Variants in PTK2 observed in about 807,000 individuals in gnomAD.
PTK2 encodes the protein protein tyrosine kinase 2.
In PTK2, 45 loss-of-function variants were observed where a neutral mutation model predicts 150.1. The ratio of observed to expected loss-of-function variants is 0.30; its 90% CI spans 0.24 to 0.38. The LOEUF is 0.38. Ranked by LOEUF, PTK2 falls within the 10% of genes least tolerant of loss-of-function variation. The pLI is 1.00. For missense variants in PTK2, 919 were observed against 1,307.3 expected (o/e 0.70, Z 4.58); for synonymous variants, 432 against 449.2 (o/e 0.96, Z 0.48).
intron 2 of PTK2, 150 bp from the exon 3 acceptor site, chr8:140,890,919 AAAT>A (rs2100154024): frequency 6.2e-6 from 4 of 646,120 alleles, no homozygotes; most frequent in South Asian, 4.2e-5. Context: ...TAATCCACTA[AAAT>A]AATAGCTGTC....
intron 2 of PTK2, among the ~76,000 whole-genome samples, chr8:140,917,917 T>G (rs2100165941): frequency 6.6e-6 from 1 of 152,200 alleles, no homozygotes; most frequent in South Asian, 2.1e-4. Context: ...TGGAGTGAGA[T>G]TCCCACAGTA....
exon 30 of PTK2, chr8:140,668,409 T>C (rs1009418037): frequency 6.2e-7 from 1 of 1,612,022 alleles, no homozygotes; most frequent in Non-Finnish European, 8.5e-7. Flanking sequence ...GGGGGGCTGA[T>C]TTCCTGGGGC....
chr8:140,967,740 G>C (rs1359964146), intron 1 of PTK2, among the ~76,000 whole-genome samples: 1 of 152,010 alleles, frequency 6.6e-6, no homozygotes, highest in East Asian at 1.9e-4. Context: ...TTACAGACGT[G>C]AGCCACCGCG....
chr8:140,865,643 C>T (rs1165116743), intron 4 of PTK2, among the ~76,000 whole-genome samples: 1 of 152,128 alleles, frequency 6.6e-6, no homozygotes, highest in Non-Finnish European at 1.5e-5. Context: ...CCAAACAATT[C>T]GGTTTCATTT....
chr8:140,684,047 A>T (rs1393225561), intron 27 of PTK2, among the ~76,000 whole-genome samples: 1 of 152,206 alleles, frequency 6.6e-6, no homozygotes, highest in Admixed American at 6.5e-5. Flanking sequence ...AAGGCATCCA[A>T]ATAGGAAGAG....
chr8:140,996,119 T>G (rs1041288882), intron 1 of PTK2, among the ~76,000 whole-genome samples: 4 of 152,118 alleles, frequency 2.6e-5, no homozygotes, highest in African/African-American at 4.8e-5. Flanking sequence ...GAAAACAGCC[T>G]TATTGTTGAT....
chr8:140,742,852 AT>A (rs575057932), intron 20 of PTK2, among the ~76,000 whole-genome samples: 42 of 152,148 alleles, frequency 2.8e-4, no homozygotes, highest in Non-Finnish European at 5.7e-4. Context: ...AAAATTTATA[AT>A]TTTTATCAGG....
In PTK2 at chr8:140,803,529, TA is replaced by T; in HGVS notation, c.975+13del. 6.3e-7 allele frequency: 1 copy of T among 1,586,346 alleles called. No homozygotes were observed. Among genetic ancestry groups the T allele is most frequent in the Admixed American group, 1.7e-5 (1 of 59,946 alleles). ...AACCATTTTCCCTTAATGATGAACG[TA>T]ACAGTTCCTTACCTCGGGTGCACCT... On this transcript the variant is annotated intron_variant, in intron 11 of 31. Transcript: ENST00000522684.
rs143642185 is a variant in PTK2 at position 140,961,324 on chromosome 8, C to T, written c.-121-35575G>A. 2.6e-3 allele frequency among the ~76,000 whole-genome samples: 393 copies of T among 152,296 alleles called. 2 individuals carry two copies. Among genetic ancestry groups the T allele is most frequent in the African/African-American group, 8.8e-3 (364 of 41,556 alleles). The stretch of plus-strand genomic sequence containing the variant: ...AAATAACTCAGCAACCATACCAAAT[C>T]TCCAGATAAACTTCAAATTCCAAAT... On this transcript the variant is annotated intron_variant, in intron 1 of 31. Transcript: ENST00000522684.
intron 16 of PTK2, among the ~76,000 whole-genome samples, chr8:140,754,753 G>A (rs1038680321): frequency 5.3e-5 from 8 of 152,226 alleles, no homozygotes; most frequent in East Asian, 1.9e-4. Context: ...TCGGTTTGGC[G>A]AATAGGACAT....
Position 140,681,987 on chromosome 8 carries a change from G to A in PTK2, c.2562+4645C>T, listed in dbSNP as rs545277468. On this transcript the variant is annotated intron_variant, in intron 27 of 31. Coordinates refer to ENST00000522684, the Ensembl canonical transcript of PTK2. The stretch of plus-strand genomic sequence containing the variant: ...AATAATGGAACACTAGGCATAAATA[G>A]GTTAAATATAATTGGAATAATCATA... 4.6e-5 allele frequency among the ~76,000 whole-genome samples: 7 copies of A among 152,252 alleles called. No individual in the cohort carries two copies. The South Asian group carries it at 1.2e-3, about 27-fold the overall frequency.
At position 140,918,232 on chromosome 8, in the gene PTK2, T is replaced by A. The variant is rs115321361; in HGVS notation, c.-33+7429A>T. On this transcript the variant is annotated intron_variant, in intron 2 of 31. Transcript: ENST00000522684. Reference sequence around the variant, plus strand: ...TTGAGGCACTGAAAAGCCAAAATAATTGTGCTATTAATGAGCAAAAGGACA... The same window carrying A: ...TTGAGGCACTGAAAAGCCAAAATAAATGTGCTATTAATGAGCAAAAGGACA... Among the ~76,000 whole-genome samples the A allele has an allele frequency of 7.7e-3, 1,174 of 152,214 alleles. 12 individuals are homozygous for A. Among genetic ancestry groups the A allele is most frequent in the African/African-American group, 0.026 (1,085 of 41,524 alleles).
intron 2 of PTK2, among the ~76,000 whole-genome samples, chr8:140,921,967 C>T (rs1310501492): frequency 2.0e-5 from 3 of 152,140 alleles, no homozygotes; most frequent in Admixed American, 1.3e-4. Flanking sequence ...TCCGAATGTA[C>T]ATAAGACACA....
chr8:140,773,124 T>C (rs1253632414), intron 14 of PTK2, among the ~76,000 whole-genome samples: 1 of 152,230 alleles, frequency 6.6e-6, no homozygotes, highest in Non-Finnish European at 1.5e-5. Flanking sequence ...GAATATTCTT[T>C]ATACTAACTT....
chr8:140,915,145 C>A (rs553851279), intron 2 of PTK2, among the ~76,000 whole-genome samples: 1 of 150,880 alleles, frequency 6.6e-6, no homozygotes, highest in Admixed American at 6.6e-5. Flanking sequence ...CACTGAGGGA[C>A]AGCAGCTAAA....
chr8:140,810,184 G>A (rs2100100600), intron 10 of PTK2, among the ~76,000 whole-genome samples: 1 of 152,250 alleles, frequency 6.6e-6, no homozygotes, highest in African/African-American at 2.4e-5. Flanking sequence ...GACACTTGAG[G>A]TGGCAGGGAG....
At chr8:140,814,709 A>T (rs2100103595) in intron 10 of PTK2, among the ~76,000 whole-genome samples, 1 of 152,310 alleles carries the variant, frequency 6.6e-6, no homozygotes, top group African/African-American at 2.4e-5. Flanking sequence ...CAACACCTAC[A>T]AACAGAAGTA....
chr8:140,944,805 A>G (rs775017317), intron 1 of PTK2, among the ~76,000 whole-genome samples: 6 of 152,226 alleles, frequency 3.9e-5, no homozygotes, highest in Non-Finnish European at 7.3e-5. Flanking sequence ...AAAGTACTCT[A>G]GAGTTTGCAA....
intron 7 of PTK2, among the ~76,000 whole-genome samples, chr8:140,834,561 G>C (rs1383959685): frequency 1.3e-5 from 2 of 152,178 alleles, no homozygotes; most frequent in Non-Finnish European, 2.9e-5. Flanking sequence ...AAAGAAAAGA[G>C]AGGCTGTATT....
Sources: gnomAD v4.1 joint callset for allele counts (sites outside exome capture counted in the v4.1 genomes callset) on GRCh38, gnomAD v4.1.1 for gene constraint, MANE v1.5 for transcripts, NCBI Gene and HGNC (gene_info 2026-07-23, HGNC 2026-07-21) for gene names.